The following ATG4C variants were observed in gnomAD, a reference collection of about 807,000 sequenced individuals.
ATG4C encodes the protein autophagy related 4C cysteine peptidase.
Under a neutral mutation model 57.6 loss-of-function variants are expected in ATG4C, and 56 were observed. The ratio of observed to expected loss-of-function variants is 0.97; its 90% CI spans 0.78 to 1.21. The LOEUF is 1.21. ATG4C is among the 50% of genes most tolerant of loss of function. ATG4C has a pLI of 0.00. For missense variants in ATG4C, 595 were observed against 529.8 expected (o/e 1.12, Z -1.21); for synonymous variants, 157 against 174.1 (o/e 0.90, Z 0.78).
At chr1:62,861,618 CACACACACAG>C (rs34752416) in intron 10 of ATG4C, among the ~76,000 whole-genome samples, 3,644 of 38,726 alleles carry the variant, frequency 0.094, 140 homozygotes, top group African/African-American at 0.16. Flanking sequence ...CACACACACA[CACACACACAG>C]AGAGACACAA....
chr1:62,838,580 C>T (rs1054404453), intron 9 of ATG4C, among the ~76,000 whole-genome samples: 1 of 152,044 alleles, frequency 6.6e-6, no homozygotes, highest in East Asian at 1.9e-4. Flanking sequence ...GAGTTTGAGA[C>T]CAGCCTGGCC....
At chr1:62,841,051 C>T (rs1313550986) in intron 9 of ATG4C, among the ~76,000 whole-genome samples, 1 of 152,158 alleles carries the variant, frequency 6.6e-6, no homozygotes, top group Non-Finnish European at 1.5e-5. Flanking sequence ...CCCAAAATCT[C>T]CAACAAAACA....
intron 1 of ATG4C, among the ~76,000 whole-genome samples, chr1:62,788,425 A>G (rs1429741368): frequency 2.9e-5 from 4 of 139,234 alleles, no homozygotes; most frequent in Admixed American, 1.4e-4. Flanking sequence ...TTCTCTCTCT[A>G]TAAATACACA....
chr1:62,844,850 T>C (rs912866923), intron 10 of ATG4C, among the ~76,000 whole-genome samples: 1 of 152,102 alleles, frequency 6.6e-6, no homozygotes, highest in African/African-American at 2.4e-5. Flanking sequence ...TATATTCATC[T>C]ACAACATTTT....
At chr1:62,788,430 TACACACACAC>T (rs10671530) in intron 1 of ATG4C, among the ~76,000 whole-genome samples, 22 of 146,446 alleles carry the variant, frequency 1.5e-4, no homozygotes, top group East Asian at 4.0e-4. Context: ...TCTCTATAAA[TACACACACAC>T]ACACACACAC....
chr1:62,792,359 C>T (rs1301071515), intron 1 of ATG4C, among the ~76,000 whole-genome samples: 1 of 152,148 alleles, frequency 6.6e-6, no homozygotes, highest in Non-Finnish European at 1.5e-5. Flanking sequence ...CACTCATAGA[C>T]AGTCTTCTGA....
intron 1 of ATG4C, 50 bp from the exon 2 acceptor site, chr1:62,803,669 A>G (rs953168886): frequency 2.7e-4 from 145 of 546,110 alleles, no homozygotes; most frequent in Non-Finnish European, 2.8e-5. Context: ...GTATTGCTCC[A>G]TGTAACCATA....
intron 3 of ATG4C, among the ~76,000 whole-genome samples, chr1:62,811,681 GTTATC>G (rs1433370579): frequency 6.6e-6 from 1 of 152,066 alleles, no homozygotes; most frequent in Non-Finnish European, 1.5e-5. Context: ...AGAATTTAGG[GTTATC>G]TCTGATATAC....
intron 1 of ATG4C, chr1:62,785,093 C>T (rs1376549043): frequency 6.6e-6 from 1 of 152,154 alleles, no homozygotes; most frequent in African/African-American, 2.4e-5. Context: ...TAGGAGTTTT[C>T]TTATGTTTTC....
rs185436292 is a variant in ATG4C, at chr1:62,839,064, T to A, written c.1090-2364T>A. 3.3e-3 allele frequency among the ~76,000 whole-genome samples: 507 copies of A among 152,274 alleles called. 1 individual carries two copies. Among genetic ancestry groups the A allele is most frequent in the African/African-American group, 0.012 (479 of 41,554 alleles). On this transcript the variant is annotated intron_variant, in intron 9 of 10. Coordinates refer to ENST00000317868, the MANE Select transcript of ATG4C (RefSeq NM_032852.4). ...TGAAAAGCCTTTTAAAATTAAAAAATTTTTATTTTCTAGAGATGGAGTTTT... is the reference window on the plus strand; with the variant it reads ...TGAAAAGCCTTTTAAAATTAAAAAAATTTTATTTTCTAGAGATGGAGTTTT...
chr1:62,789,673 C>T (rs894393913), intron 1 of ATG4C, among the ~76,000 whole-genome samples: 2 of 152,052 alleles, frequency 1.3e-5, no homozygotes, highest in African/African-American at 2.4e-5. Context: ...ACAAATGAGC[C>T]GGGCGTGGTG....
chr1:62,784,141 G>A lies in ATG4C; in HGVS notation c.-201G>A, dbSNP rs1430490148. 2 of 152,830 alleles carry A rather than the reference G, an allele frequency of 1.3e-5. No individual in the cohort carries two copies. Among genetic ancestry groups the A allele is most frequent in the Admixed American group, 1.3e-4 (2 of 15,288 alleles). The allele number at this position is 152,830 out of a possible 1,614,324, so 9.5% of individuals were successfully genotyped here. A position where few individuals can be genotyped will look rare whatever the true frequency, so the allele number is the denominator to read the frequency against. On this transcript the variant is annotated 5_prime_UTR_variant, in exon 1 of 11. Coordinates refer to ENST00000317868, the MANE Select transcript of ATG4C (RefSeq NM_032852.4). ...GGTGGCCGGGGTGCTCAAAGTACCTGTAGCTGCGGCGCTGAGGTCGGAACG... is the reference window on the plus strand; with the variant it reads ...GGTGGCCGGGGTGCTCAAAGTACCTATAGCTGCGGCGCTGAGGTCGGAACG...
chr1:62,857,890 T>C (rs1666734776), intron 10 of ATG4C, among the ~76,000 whole-genome samples: 1 of 152,174 alleles, frequency 6.6e-6, no homozygotes, highest in Non-Finnish European at 1.5e-5. Flanking sequence ...TCTTTAGAAA[T>C]AGTTTGGTGT....
At chr1:62,801,512 C>T (rs576073413) in intron 1 of ATG4C, among the ~76,000 whole-genome samples, 45 of 152,154 alleles carry the variant, frequency 3.0e-4, no homozygotes, top group Non-Finnish European at 5.7e-4. Context: ...GTGGCTCGCG[C>T]CTGTAATCCC....
chr1:62,792,231 G>A (rs1347054963), intron 1 of ATG4C, among the ~76,000 whole-genome samples: 1 of 151,886 alleles, frequency 6.6e-6, no homozygotes, highest in Non-Finnish European at 1.5e-5. Context: ...TCCTGACCTC[G>A]TGATCCACCC....
At position 62,785,473 on chromosome 1, in the gene ATG4C, C is replaced by T. The variant is rs539434187; in HGVS notation, c.-69+1200C>T. Among the ~76,000 whole-genome samples, 88 of 152,184 alleles carry T rather than the reference C, an allele frequency of 5.8e-4. 3 individuals are homozygous for T. Among genetic ancestry groups the T allele is most frequent in the Non-Finnish European group, 1.5e-4 (10 of 67,980 alleles). On this transcript the variant is annotated intron_variant, in intron 1 of 10. Transcript: ENST00000317868. Reference sequence around the variant, plus strand: ...AAGCCATTTAATTAATGCTCTTTTTCTTTAAAATAGGATTCAAGTATTTGG... The same window carrying T: ...AAGCCATTTAATTAATGCTCTTTTTTTTTAAAATAGGATTCAAGTATTTGG...
chr1:62,808,649 AG>A (rs1664959674), intron 3 of ATG4C, among the ~76,000 whole-genome samples: 1 of 152,202 alleles, frequency 6.6e-6, no homozygotes, highest in Non-Finnish European at 1.5e-5. Context: ...TTGTAGAAAA[AG>A]GGGGTTGTAC....
intron 7 of ATG4C, among the ~76,000 whole-genome samples, chr1:62,829,645 G>A (rs953747627): frequency 6.6e-6 from 1 of 151,968 alleles, no homozygotes; most frequent in Non-Finnish European, 1.5e-5. Context: ...AAGATATGAA[G>A]ATAGTATTTG....
At chr1:62,858,964 TG>T (rs1258292751) in intron 10 of ATG4C, among the ~76,000 whole-genome samples, 1 of 152,190 alleles carries the variant, frequency 6.6e-6, no homozygotes, top group Non-Finnish European at 1.5e-5. Context: ...TGCTTAATGA[TG>T]GGGATACATT....
Sources: gnomAD v4.1 joint callset for allele counts (sites outside exome capture counted in the v4.1 genomes callset) on GRCh38, gnomAD v4.1.1 for gene constraint, MANE v1.5 for transcripts, NCBI Gene and HGNC (gene_info 2026-07-23, HGNC 2026-07-21) for gene names.